The following PARM1 variants were observed in gnomAD, a reference collection of about 807,000 sequenced individuals.
PARM1 encodes the protein prostate androgen-regulated mucin-like protein 1, also known as WSC4, cell wall integrity and stress response component 4 homolog.
A neutral mutation model predicts 24.6 loss-of-function variants in PARM1; 14 were observed. The ratio of observed to expected loss-of-function variants is 0.57; its 90% CI spans 0.38 to 0.89. The LOEUF is 0.89. Among genes scored for constraint, PARM1 ranks in the 40% least tolerant of loss-of-function variants. The probability of loss-of-function intolerance (pLI) is 0.00; values close to 1 mark genes in which losing one functional copy is unlikely to be tolerated. For synonymous variants in PARM1, 179 were observed against 156.6 expected (o/e 1.14, Z -1.07); for missense variants, 362 against 380.4 (o/e 0.95, Z 0.40).
At chr4:74,956,889 G>C (rs1721646977) in intron 1 of PARM1, 1 of 152,162 alleles carries the variant, frequency 6.6e-6, no homozygotes, top group South Asian at 2.1e-4. Flanking sequence ...TTACATCTGG[G>C]CTAAATACAT....
In PARM1 at chr4:75,012,409, A is replaced by T. The variant is rs1722886274; in HGVS notation, c.44-16A>T. ...GTTTTCACATATTAACCACTTTTGT[A>T]CTGGCTTTTCCACAGGATGGAGGGT... On this transcript the variant is annotated splice_polypyrimidine_tract_variant and intron_variant, in intron 1 of 3. Transcript: ENST00000307428. 1 of 1,608,664 alleles carries T rather than the reference A, an allele frequency of 6.2e-7. No individual in the cohort carries two copies. Among genetic ancestry groups the T allele is most frequent in the African/African-American group, 1.3e-5 (1 of 74,922 alleles).
intron 1 of PARM1, chr4:74,955,977 G>C (rs1471782957): frequency 2.6e-5 from 4 of 152,182 alleles, no homozygotes; most frequent in African/African-American, 9.7e-5. Context: ...AAAGAAATCA[G>C]ACTAGTAGCA....
chr4:75,008,344 G>A (rs1722810462), intron 1 of PARM1, among the ~76,000 whole-genome samples: 2 of 152,322 alleles, frequency 1.3e-5, no homozygotes, highest in East Asian at 1.9e-4. Context: ...AGCAGGCAGG[G>A]TAGGAATTGT....
intron 2 of PARM1, among the ~76,000 whole-genome samples, chr4:75,033,616 C>T (rs1354892688): frequency 6.6e-6 from 1 of 152,150 alleles, no homozygotes; most frequent in Non-Finnish European, 1.5e-5. Context: ...ACTAAGTACT[C>T]CTCTCTAAAT....
At chr4:74,987,429 A>T (rs1722378505) in intron 1 of PARM1, among the ~76,000 whole-genome samples, 2 of 152,214 alleles carry the variant, frequency 1.3e-5, no homozygotes, top group Non-Finnish European at 2.9e-5. Context: ...TCTACTGTTT[A>T]TAAATGGTAG....
In PARM1 at chr4:75,012,537, C is replaced by G; in HGVS notation, c.156C>G (p.Asp52Glu). Reference sequence around the variant, plus strand: ...GCTCTCCACAAAACACTGATGCAGACACTGCCTCCCCATCCAACGGCACTC... The same window carrying G: ...GCTCTCCACAAAACACTGATGCAGAGACTGCCTCCCCATCCAACGGCACTC... ...WTSSPQNTDA[D>E]TASPSNGTHN... The change falls in exon 2 of 4, where the codon GAC (aspartate) becomes GAG (glutamate). Residue 52 changes from aspartate to glutamate, a missense_variant. Coordinates refer to ENST00000307428, the MANE Select transcript of PARM1 (RefSeq NM_015393.4). 1 of 1,613,982 alleles carries G rather than the reference C, an allele frequency of 6.2e-7. No individual in the cohort carries two copies. The highest frequency in any genetic ancestry group is 8.5e-7 in the Non-Finnish European group (1 of 1,179,892).
intron 1 of PARM1, among the ~76,000 whole-genome samples, chr4:75,003,398 A>G (rs1203346103): frequency 6.6e-6 from 1 of 152,036 alleles, no homozygotes; most frequent in Non-Finnish European, 1.5e-5. Context: ...TTCTTTCATT[A>G]GAATTCACAG....
intron 1 of PARM1, among the ~76,000 whole-genome samples, chr4:74,957,868 A>T (rs945854575): frequency 2.0e-5 from 3 of 152,170 alleles, no homozygotes; most frequent in African/African-American, 7.2e-5. Context: ...CTGCACCTTA[A>T]TAGGCCTGCA....
At chr4:74,970,863 G>A (rs752308903) in intron 1 of PARM1, among the ~76,000 whole-genome samples, 7 of 152,188 alleles carry the variant, frequency 4.6e-5, no homozygotes, top group Admixed American at 2.0e-4. Context: ...AGAGTTGTGG[G>A]AGCCAGCACA....
chr4:74,974,809 A>T (rs190227969), intron 1 of PARM1, among the ~76,000 whole-genome samples: 127 of 152,232 alleles, frequency 8.3e-4, no homozygotes, highest in Non-Finnish European at 1.7e-3. Flanking sequence ...GGCTCTTGTG[A>T]TGGGAGTAGT....
chr4:74,962,757 A>G (rs376663782), intron 1 of PARM1, among the ~76,000 whole-genome samples: 68 of 152,328 alleles, frequency 4.5e-4, no homozygotes, highest in African/African-American at 1.5e-3. Flanking sequence ...AAGGGTTGGG[A>G]AGAGAAAGAA....
intron 3 of PARM1, among the ~76,000 whole-genome samples, chr4:75,042,791 T>A (rs1379058388): frequency 6.6e-6 from 1 of 152,110 alleles, no homozygotes; most frequent in East Asian, 1.9e-4. Flanking sequence ...CTGGCTGGAA[T>A]CCCAGTACAC....
At chr4:74,964,962 T>C (rs1220255456) in intron 1 of PARM1, among the ~76,000 whole-genome samples, 3 of 152,176 alleles carry the variant, frequency 2.0e-5, no homozygotes, top group Non-Finnish European at 4.4e-5. Context: ...AGACTGAGAC[T>C]CAAACAACTA....
intron 3 of PARM1, among the ~76,000 whole-genome samples, chr4:75,038,010 G>A (rs1453330733): frequency 2.6e-5 from 4 of 152,010 alleles, no homozygotes; most frequent in African/African-American, 9.7e-5. Flanking sequence ...TCCACCTCCC[G>A]GGTTCAAGCA....
intron 2 of PARM1, among the ~76,000 whole-genome samples, chr4:75,027,135 G>C (rs1401854852): frequency 2.6e-5 from 4 of 152,138 alleles, no homozygotes. Flanking sequence ...CCCACAGGCA[G>C]AAATACAGAG....
intron 1 of PARM1, among the ~76,000 whole-genome samples, chr4:74,934,389 A>G (rs1440372456): frequency 2.0e-5 from 3 of 152,188 alleles, no homozygotes; most frequent in African/African-American, 7.2e-5. Flanking sequence ...TAGTCTGTAT[A>G]TCCTCCCTCT....
At chr4:75,045,940 A>G (rs978899798) in intron 3 of PARM1, among the ~76,000 whole-genome samples, 2 of 152,292 alleles carry the variant, frequency 1.3e-5, no homozygotes, top group East Asian at 1.9e-4. Flanking sequence ...GATGATGCCA[A>G]CAGAACATGC....
At chr4:74,970,684 T>TG (rs1722013150) in intron 1 of PARM1, among the ~76,000 whole-genome samples, 1 of 152,196 alleles carries the variant, frequency 6.6e-6, no homozygotes, top group Non-Finnish European at 1.5e-5. Context: ...TCTCTTACCC[T>TG]GGTAAATGTC....
At chr4:74,997,331 TTCTC>T (rs1193639112) in intron 1 of PARM1, among the ~76,000 whole-genome samples, 2 of 152,158 alleles carry the variant, frequency 1.3e-5, no homozygotes, top group African/African-American at 4.8e-5. Context: ...ACAGAAAAAG[TTCTC>T]TCTCTCTGAT....
Sources: allele counts gnomAD v4.1 joint callset (sites outside exome capture counted in the v4.1 genomes callset), GRCh38; gene constraint gnomAD v4.1.1; transcripts MANE v1.5; gene names NCBI Gene and HGNC (gene_info 2026-07-23, HGNC 2026-07-21).